PCDHA12: variants seen among roughly 807,000 people sequenced by gnomAD.
PCDHA12 encodes the protein protocadherin alpha-12.
Under a neutral mutation model 60.0 loss-of-function variants are expected in PCDHA12, and 44 were observed. The observed-to-expected ratio is 0.73, with a 90% CI of 0.58 to 0.94. PCDHA12 has a LOEUF of 0.94. PCDHA12 is among the 40% of genes least tolerant of loss of function. The pLI is 0.00. For missense variants in PCDHA12, 1,276 were observed against 1,239.7 expected (o/e 1.03, Z -0.44); for synonymous variants, 569 against 553.0 (o/e 1.03, Z -0.40).
intron 3 of PCDHA12, among the ~76,000 whole-genome samples, chr5:140,993,305 G>C (rs1405035028): frequency 6.6e-6 from 1 of 151,998 alleles, no homozygotes; most frequent in African/African-American, 2.4e-5. Flanking sequence ...CTTGCCTCCA[G>C]GATAATACCT....
chr5:140,883,259 G>A (rs573584031), intron 1 of PCDHA12: 1 of 1,614,000 alleles, frequency 6.2e-7, no homozygotes, highest in East Asian at 2.2e-5. Flanking sequence ...TATTCCAATG[G>A]CGGGTCATTG....
At chr5:140,951,326 T>C (rs2094571744) in intron 1 of PCDHA12, among the ~76,000 whole-genome samples, 1 of 152,158 alleles carries the variant, frequency 6.6e-6, no homozygotes, top group Admixed American at 6.5e-5. Context: ...TTGAGATTCA[T>C]CATTCTGTTT....
At chr5:140,919,610 T>G (rs1173177727) in intron 1 of PCDHA12, among the ~76,000 whole-genome samples, 1 of 152,216 alleles carries the variant, frequency 6.6e-6, no homozygotes, top group Non-Finnish European at 1.5e-5. Flanking sequence ...AATTTTAAAC[T>G]GTATCTTTTG....
chr5:140,927,495 G>C (rs111935715), intron 1 of PCDHA12: 2 of 1,614,128 alleles, frequency 1.2e-6, no homozygotes, highest in African/African-American at 1.3e-5. Context: ...CCCACCTGCT[G>C]GTGCTTACAG....
At chr5:140,977,730 T>C (rs1478978176) in intron 1 of PCDHA12, among the ~76,000 whole-genome samples, 1 of 152,226 alleles carries the variant, frequency 6.6e-6, no homozygotes, top group Non-Finnish European at 1.5e-5. Flanking sequence ...ATTTCTCTCC[T>C]GGGTGTTATG....
intron 1 of PCDHA12, chr5:140,929,360 C>G (rs781864515): frequency 5.3e-6 from 8 of 1,519,748 alleles, no homozygotes; most frequent in Non-Finnish European, 6.2e-6. Flanking sequence ...TTCCTTTGGC[C>G]CGGAGATGGC....
chr5:140,884,042 G>A (rs1554181105), intron 1 of PCDHA12: 4 of 1,613,464 alleles, frequency 2.5e-6, no homozygotes, highest in Non-Finnish European at 3.4e-6. Flanking sequence ...CCACGTGGTG[G>A]CGAAGGTGCG....
intron 1 of PCDHA12, chr5:140,881,395 T>C: frequency 1.0e-6 from 1 of 978,940 alleles, no homozygotes; most frequent in Non-Finnish European, 1.2e-6. Context: ...TAAGTTAAAT[T>C]CTATTAAATC....
chr5:140,884,634 GGGA>G (rs1562808845), intron 1 of PCDHA12: 3 of 1,612,414 alleles, frequency 1.9e-6, no homozygotes, highest in Non-Finnish European at 2.5e-6. Context: ...ACAGGCCAGA[GGGA>G]GGAGGACTCA....
intron 1 of PCDHA12, among the ~76,000 whole-genome samples, chr5:140,878,982 T>C (rs1484097371): frequency 2.0e-5 from 3 of 152,206 alleles, no homozygotes; most frequent in African/African-American, 4.8e-5. Flanking sequence ...CCCTCTATCT[T>C]AGAAATGAGA....
At position 140,877,889 on chromosome 5, in the gene PCDHA12, G is replaced by A. The variant is rs904032241; in HGVS notation, c.2367+50G>A. On this transcript the variant is annotated intron_variant, in intron 1 of 3. Coordinates refer to ENST00000398631, the MANE Select transcript of PCDHA12 (RefSeq NM_018903.4). ...ATATTTGTTTCCTTGAAGAACTTCC[G>A]TTTAGGTTATAACTACATTCTCTCA... 3.3e-5 allele frequency: 48 copies of A among 1,457,998 alleles called. No homozygotes were observed. The African/African-American group carries it at 6.0e-4, about 18-fold the overall frequency. 90.3% of individuals were successfully genotyped at this position (1,457,998 alleles called of 1,614,324 possible). A position where few individuals can be genotyped will look rare whatever the true frequency, so the allele number is the denominator to read the frequency against.
chr5:141,007,679 T>A (rs1362984196), intron 3 of PCDHA12, among the ~76,000 whole-genome samples: 2 of 152,186 alleles, frequency 1.3e-5, no homozygotes, highest in Admixed American at 6.5e-5. Context: ...ACAAAAGTTA[T>A]CCTACTTCCA....
At chr5:140,968,278 G>A in intron 1 of PCDHA12, 1 of 1,614,014 alleles carries the variant, frequency 6.2e-7, no homozygotes, top group Non-Finnish European at 8.5e-7. Context: ...ATGCAGAGGT[G>A]ACCTACTCCC....
chr5:140,959,763 C>A (rs2095510059), intron 1 of PCDHA12, among the ~76,000 whole-genome samples: 2 of 152,170 alleles, frequency 1.3e-5, no homozygotes, highest in South Asian at 4.1e-4. Flanking sequence ...TTTTAATATT[C>A]AGTAAGAACA....
At chr5:140,961,548 TTC>T (rs1261051270) in intron 1 of PCDHA12, among the ~76,000 whole-genome samples, 4 of 152,230 alleles carry the variant, frequency 2.6e-5, no homozygotes, top group African/African-American at 9.6e-5. Context: ...CCTGCAGCAT[TTC>T]TTTTTTTAAA....
intron 1 of PCDHA12, among the ~76,000 whole-genome samples, chr5:140,895,700 A>G (rs2065117583): frequency 6.6e-6 from 1 of 152,022 alleles, no homozygotes; most frequent in Non-Finnish European, 1.5e-5. Context: ...ATATTAATTC[A>G]CTTGGGATAA....
At chr5:140,947,302 C>G (rs1390442873) in intron 1 of PCDHA12, among the ~76,000 whole-genome samples, 2 of 151,504 alleles carry the variant, frequency 1.3e-5, no homozygotes, top group Non-Finnish European at 3.0e-5. Flanking sequence ...ATCTTGACAT[C>G]TTTGTAAAAA....
chr5:140,929,875 G>A lies in PCDHA12; in HGVS notation c.2368-49074G>A, dbSNP rs1326750420. 4 of 153,064 alleles carry A rather than the reference G, an allele frequency of 2.6e-5. No individual in the cohort carries two copies. The East Asian group carries it at 7.7e-4, about 29-fold the overall frequency. 9.5% of individuals were successfully genotyped at this position (153,064 alleles called of 1,614,324 possible). A position where few individuals can be genotyped will look rare whatever the true frequency, so the allele number is the denominator to read the frequency against. On this transcript the variant is annotated intron_variant, in intron 1 of 3. Transcript: ENST00000398631. ...GAGTCAGAGAAGGCTTTGTGATAGAGATCACAGATTTAGTTGGATCTTTAA... is the reference window on the plus strand; with the variant it reads ...GAGTCAGAGAAGGCTTTGTGATAGAAATCACAGATTTAGTTGGATCTTTAA...
At chr5:140,924,480 T>C (rs2081865040) in intron 1 of PCDHA12, among the ~76,000 whole-genome samples, 1 of 152,178 alleles carries the variant, frequency 6.6e-6, no homozygotes, top group Non-Finnish European at 1.5e-5. Flanking sequence ...TGGTTTTTAG[T>C]GGAACACTGG....
Sources: gnomAD v4.1 joint callset for allele counts (sites outside exome capture counted in the v4.1 genomes callset) on GRCh38, gnomAD v4.1.1 for gene constraint, MANE v1.5 for transcripts, NCBI Gene and HGNC (gene_info 2026-07-23, HGNC 2026-07-21) for gene names.